Variants in EML4 observed in about 807,000 individuals in gnomAD.
EML4 encodes the protein EMAP like 4, also known as echinoderm microtubule-associated protein-like 4.
In EML4, 72 loss-of-function variants were observed where a neutral mutation model predicts 129.0. The observed-to-expected ratio is 0.56, with a 90% CI of 0.46 to 0.68. EML4 has a LOEUF of 0.68. Among genes scored for constraint, EML4 ranks in the 30% least tolerant of loss-of-function variants. The pLI, the probability that EML4 is intolerant of heterozygous loss-of-function variation, is 0.00. For missense variants in EML4, 1,363 were observed against 1,190.6 expected (o/e 1.14, Z -2.13); for synonymous variants, 532 against 405.0 (o/e 1.31, Z -3.77).
chr2:42,225,815 CAT>C (rs879437468), intron 1 of EML4, among the ~76,000 whole-genome samples: 2 of 152,094 alleles, frequency 1.3e-5, no homozygotes, highest in African/African-American at 4.8e-5. Flanking sequence ...ATATTTCTTA[CAT>C]ATGTTAATTT....
chr2:42,308,835 C>CAT (rs1408688321), intron 17 of EML4, among the ~76,000 whole-genome samples: 1 of 151,964 alleles, frequency 6.6e-6, no homozygotes, highest in Admixed American at 6.6e-5. Flanking sequence ...TGGAATGAAT[C>CAT]ATATAACGTG....
intron 17 of EML4, among the ~76,000 whole-genome samples, chr2:42,308,980 G>A (rs1668774875): frequency 6.6e-6 from 1 of 152,168 alleles, no homozygotes; most frequent in African/African-American, 2.4e-5. Flanking sequence ...GATGGACATA[G>A]GGGTTATTTC....
intron 2 of EML4, among the ~76,000 whole-genome samples, chr2:42,255,943 A>G (rs1392866202): frequency 6.6e-6 from 1 of 152,234 alleles, no homozygotes. Context: ...CTCTTAGTAT[A>G]GATAGGACTG....
intron 6 of EML4, among the ~76,000 whole-genome samples, chr2:42,275,930 A>G (rs975024361): frequency 2.6e-5 from 4 of 152,146 alleles, no homozygotes; most frequent in African/African-American, 9.7e-5. Context: ...GATCAGTCCC[A>G]TCGCCCATCC....
chr2:42,224,637 A>C (rs559889492), intron 1 of EML4, among the ~76,000 whole-genome samples: 2 of 152,226 alleles, frequency 1.3e-5, no homozygotes, highest in Admixed American at 1.3e-4. Flanking sequence ...ATTGTTTTCC[A>C]AAGTGGCTGT....
intron 6 of EML4, among the ~76,000 whole-genome samples, chr2:42,266,832 A>G (rs1348441627): frequency 6.6e-6 from 1 of 152,148 alleles, no homozygotes; most frequent in African/African-American, 2.4e-5. Context: ...CTTATTTCAC[A>G]TGACTACTGA....
At chr2:42,219,317 A>G (rs1673406551) in intron 1 of EML4, among the ~76,000 whole-genome samples, 1 of 152,104 alleles carries the variant, frequency 6.6e-6, no homozygotes. Context: ...CTGTGTATAC[A>G]GAGGCCTCAG....
At chr2:42,308,853 G>A (rs888134712) in intron 17 of EML4, among the ~76,000 whole-genome samples, 2 of 151,782 alleles carry the variant, frequency 1.3e-5, no homozygotes, top group Non-Finnish European at 1.5e-5. Context: ...GTGAAGTTTT[G>A]TGATGAGCTT....
At chr2:42,320,356 T>C (rs1669456925) in intron 19 of EML4, among the ~76,000 whole-genome samples, 1 of 152,026 alleles carries the variant, frequency 6.6e-6, no homozygotes, top group African/African-American at 2.4e-5. Context: ...TGTGCTTAAT[T>C]TGCTCCAGAG....
At chr2:42,242,658 C>T (rs1176717962) in intron 1 of EML4, among the ~76,000 whole-genome samples, 1 of 151,780 alleles carries the variant, frequency 6.6e-6, no homozygotes, top group Non-Finnish European at 1.5e-5. Flanking sequence ...TTCCTCCCTC[C>T]CTCTCTCCTT....
Position 42,256,562 on chromosome 2 carries a change from C to T in EML4, c.270C>T (p.Asn90=), listed in dbSNP as rs750400296. 2 of 1,613,666 alleles carry T rather than the reference C, an allele frequency of 1.2e-6. No homozygotes were observed. Among genetic ancestry groups the T allele is most frequent in the South Asian group, 2.2e-5 (2 of 91,060 alleles). ...GTATAACCAATGGAAGTGGTGCAAACAGAAAACCAAGTCATACCAGTGCTG... is the reference window on the plus strand; with the variant it reads ...GTATAACCAATGGAAGTGGTGCAAATAGAAAACCAAGTCATACCAGTGCTG... ...MSCITNGSGA[N]RKPSHTSAVS... is the part of the protein sequence containing the mutation. Residue 90 remains asparagine, a synonymous_variant, in exon 3 of 23, where the codon AAC becomes AAT. Transcript: ENST00000318522.
At chr2:42,294,621 C>T (rs534759968) in intron 11 of EML4, among the ~76,000 whole-genome samples, 5 of 151,918 alleles carry the variant, frequency 3.3e-5, no homozygotes, top group Non-Finnish European at 5.9e-5. Context: ...ACTTGAACTC[C>T]GGAGGCAGAG....
At chr2:42,176,020 C>T (rs1363164987) in intron 1 of EML4, among the ~76,000 whole-genome samples, 12 of 148,212 alleles carry the variant, frequency 8.1e-5, no homozygotes, top group Non-Finnish European at 1.5e-4. Context: ...CCCACTTGAA[C>T]TCAGATTTTT....
At chr2:42,266,606 A>G (rs1666078007) in intron 6 of EML4, among the ~76,000 whole-genome samples, 1 of 151,102 alleles carries the variant, frequency 6.6e-6, no homozygotes, top group African/African-American at 2.4e-5. Flanking sequence ...AGCCTCCCAA[A>G]GTGTTGGGAT....
chr2:42,256,549 G>A lies in EML4; in HGVS notation c.257G>A (p.Gly86Glu), dbSNP rs1352914486. Residue 86 changes from glycine to glutamate, a missense_variant, in exon 3 of 23, where the codon GGA becomes GAA. By Grantham distance (98) the Gly-to-Glu change is moderately conservative. Coordinates refer to ENST00000318522, the MANE Select transcript of EML4 (RefSeq NM_019063.5). ...ATTCCCATGTCCTGTATAACCAATG[G>A]AAGTGGTGCAAACAGAAAACCAAGT... ...AVIPMSCITN[G>E]SGANRKPSHT... The A allele has an allele frequency of 6.2e-7, 1 of 1,613,792 alleles. No homozygotes were observed.
chr2:42,294,066 A>C (rs536868847), intron 11 of EML4, among the ~76,000 whole-genome samples: 1 of 152,386 alleles, frequency 6.6e-6, no homozygotes, highest in South Asian at 2.1e-4. Flanking sequence ...AAGTTTGAGT[A>C]GATGATTTTA....
At chr2:42,191,327 A>G (rs1671567683) in intron 1 of EML4, among the ~76,000 whole-genome samples, 1 of 152,114 alleles carries the variant, frequency 6.6e-6, no homozygotes, top group African/African-American at 2.4e-5. Flanking sequence ...CTCTGAAATG[A>G]TCTTCCCCCA....
In EML4 at chr2:42,169,451, A is replaced by G. The variant is rs1165384711; in HGVS notation, c.-161A>G. The G allele has an allele frequency of 7.0e-6, 5 of 712,772 alleles. No individual in the cohort carries two copies. The highest frequency in any genetic ancestry group is 3.3e-5 in the East Asian group (1 of 30,050). 44.2% of individuals were successfully genotyped at this position (712,772 alleles called of 1,614,324 possible). On this transcript the variant is annotated 5_prime_UTR_variant, in exon 1 of 23. Coordinates refer to ENST00000318522, the MANE Select transcript of EML4 (RefSeq NM_019063.5). The stretch of plus-strand genomic sequence containing the variant: ...GAAGTGGTTCGGGCGGCCGCGGCTT[A>G]CTACCCCAGGGCGAACGGACGGACG...
chr2:42,234,568 G>A (rs777497203), intron 1 of EML4, among the ~76,000 whole-genome samples: 18 of 152,102 alleles, frequency 1.2e-4, no homozygotes, highest in African/African-American at 2.7e-4. Context: ...CCCTCCATTA[G>A]CCCCCTTCTC....
Sources: allele counts gnomAD v4.1 joint callset (sites outside exome capture counted in the v4.1 genomes callset), GRCh38; gene constraint gnomAD v4.1.1; transcripts MANE v1.5; gene names NCBI Gene and HGNC (gene_info 2026-07-23, HGNC 2026-07-21).